Variants in TAFA2 observed in about 807,000 individuals in gnomAD.
The protein encoded by TAFA2 is chemokine-like protein TAFA-2.
TAFA2 carries 7 observed loss-of-function variants against 18.8 expected under a neutral mutation model. That is an observed-to-expected ratio of 0.37 (90% CI 0.21 to 0.70). TAFA2 has a LOEUF of 0.70. TAFA2 is among the 30% of genes least tolerant of loss of function. The pLI is 0.53. For missense variants in TAFA2, 122 were observed against 158.1 expected (o/e 0.77, Z 1.23); for synonymous variants, 60 against 54.2 (o/e 1.11, Z -0.47).
At chr12:62,138,427 C>T (rs886783061) in intron 1 of TAFA2, among the ~76,000 whole-genome samples, 2 of 152,144 alleles carry the variant, frequency 1.3e-5, no homozygotes, top group Non-Finnish European at 2.9e-5. Flanking sequence ...CTCCTTCTTG[C>T]CTCCTGTAGA....
intron 2 of TAFA2, among the ~76,000 whole-genome samples, chr12:61,777,691 C>G (rs1209460237): frequency 6.6e-6 from 1 of 151,526 alleles, no homozygotes; most frequent in Non-Finnish European, 1.5e-5. Context: ...GTTACTTAAC[C>G]TCTCGGTGCC....
intron 2 of TAFA2, among the ~76,000 whole-genome samples, chr12:61,843,543 A>G (rs1873278052): frequency 6.6e-6 from 1 of 152,074 alleles, no homozygotes; most frequent in Non-Finnish European, 1.5e-5. Flanking sequence ...TGATTAATTG[A>G]AAGAGTTGGG....
At chr12:61,892,048 A>T (rs1402344320) in intron 1 of TAFA2, among the ~76,000 whole-genome samples, 4 of 151,444 alleles carry the variant, frequency 2.6e-5, no homozygotes, top group Non-Finnish European at 4.4e-5. Context: ...CTCGGGCCAC[A>T]GTCCAAGCAA....
intron 2 of TAFA2, among the ~76,000 whole-genome samples, chr12:61,836,454 C>A (rs1431806201): frequency 1.3e-5 from 2 of 151,744 alleles, no homozygotes; most frequent in Non-Finnish European, 2.9e-5. Flanking sequence ...CCATCTCAGA[C>A]AAAAGGCCTT....
intron 1 of TAFA2, among the ~76,000 whole-genome samples, chr12:62,142,565 T>C (rs1050436628): frequency 2.6e-5 from 4 of 152,102 alleles, no homozygotes; most frequent in African/African-American, 9.7e-5. Context: ...CTACCCAATA[T>C]TGGCCAATAT....
chr12:62,220,497 T>C (rs1411092069), intron 1 of TAFA2, among the ~76,000 whole-genome samples: 1 of 152,184 alleles, frequency 6.6e-6, no homozygotes, highest in Non-Finnish European at 1.5e-5. Flanking sequence ...TGCAGTTTCT[T>C]ACAAAATTAA....
intron 1 of TAFA2, among the ~76,000 whole-genome samples, chr12:62,188,409 A>G (rs1469723070): frequency 5.9e-5 from 9 of 152,188 alleles, no homozygotes; most frequent in African/African-American, 2.2e-4. Context: ...TCATCTTTTC[A>G]AATATATTAG....
chr12:62,098,382 G>A (rs981295686), intron 1 of TAFA2, among the ~76,000 whole-genome samples: 4 of 152,140 alleles, frequency 2.6e-5, no homozygotes, highest in African/African-American at 9.7e-5. Flanking sequence ...AAACGGATAT[G>A]AAGAGAAAAA....
intron 1 of TAFA2, among the ~76,000 whole-genome samples, chr12:62,011,090 C>T (rs1215989102): frequency 1.3e-4 from 19 of 149,270 alleles, no homozygotes; most frequent in African/African-American, 4.2e-4. Flanking sequence ...GTGGGGAGCG[C>T]CTCTGCCCGG....
intron 2 of TAFA2, among the ~76,000 whole-genome samples, chr12:61,798,185 T>C (rs1365715391): frequency 6.6e-6 from 1 of 152,216 alleles, no homozygotes; most frequent in Non-Finnish European, 1.5e-5. Flanking sequence ...GATCATGATC[T>C]ATTAATTTGC....
chr12:62,066,122 C>G (rs1882479416), intron 1 of TAFA2, among the ~76,000 whole-genome samples: 1 of 110,394 alleles, frequency 9.1e-6, no homozygotes, highest in African/African-American at 3.8e-5. Flanking sequence ...TTTGCTGAAA[C>G]AGCCGTGTGT....
intron 1 of TAFA2, among the ~76,000 whole-genome samples, chr12:62,239,674 A>T (rs183557632): frequency 6.9e-4 from 105 of 152,316 alleles, no homozygotes; most frequent in Non-Finnish European, 1.8e-4. Context: ...TGTAGAGGCC[A>T]TGTGTAAGTG....
At chr12:62,081,196 C>T (rs1868318113) in intron 1 of TAFA2, among the ~76,000 whole-genome samples, 1 of 151,234 alleles carries the variant, frequency 6.6e-6, no homozygotes, top group Non-Finnish European at 1.5e-5. Flanking sequence ...CTCCATCTCA[C>T]AAAAAAAATT....
intron 1 of TAFA2, among the ~76,000 whole-genome samples, chr12:62,131,850 T>C (rs1016861101): frequency 2.0e-5 from 3 of 152,020 alleles, no homozygotes; most frequent in Non-Finnish European, 4.4e-5. Context: ...ATTTTTTATT[T>C]GCTGTATTCC....
Position 61,710,300 on chromosome 12 carries a change from C to T in TAFA2, c.*106G>A, listed in dbSNP as rs1869334498. On this transcript the variant is annotated 3_prime_UTR_variant, in exon 5 of 5. Transcript: ENST00000416284. ...CTTGGAAATAGACTATTGAGCGCCT[C>T]TTTCAAGTGGTATAAAAATCTTCAA... The T allele has an allele frequency of 1.9e-6, 2 of 1,051,790 alleles. No individual in the cohort carries two copies. Among genetic ancestry groups the T allele is most frequent in the Admixed American group, 3.6e-5 (2 of 55,978 alleles). 65.2% of individuals were successfully genotyped at this position (1,051,790 alleles called of 1,614,324 possible). A position where few individuals can be genotyped will look rare whatever the true frequency, so the allele number is the denominator to read the frequency against.
At chr12:62,221,082 C>T (rs549517277) in intron 1 of TAFA2, among the ~76,000 whole-genome samples, 30 of 148,818 alleles carry the variant, frequency 2.0e-4, no homozygotes, top group African/African-American at 6.2e-4. Context: ...CCAGCCTGAG[C>T]GACAGAGCGA....
intron 1 of TAFA2, among the ~76,000 whole-genome samples, chr12:62,050,586 T>C (rs1309317442): frequency 6.6e-6 from 1 of 151,162 alleles, no homozygotes; most frequent in East Asian, 2.0e-4. Context: ...AAAAAAAAAA[T>C]TGTTACAAAC....
intron 1 of TAFA2, among the ~76,000 whole-genome samples, chr12:62,181,818 G>A (rs1242348326): frequency 1.3e-5 from 2 of 152,138 alleles, no homozygotes; most frequent in Non-Finnish European, 2.9e-5. Flanking sequence ...ATGAAGATAA[G>A]AAGTTCAAAC....
intron 1 of TAFA2, among the ~76,000 whole-genome samples, chr12:61,988,455 A>G (rs1404311473): frequency 6.6e-6 from 1 of 152,200 alleles, no homozygotes; most frequent in Non-Finnish European, 1.5e-5. Flanking sequence ...ATAGAAAGAC[A>G]AACTCTGCTG....
Sources: allele counts gnomAD v4.1 joint callset (sites outside exome capture counted in the v4.1 genomes callset), GRCh38; gene constraint gnomAD v4.1.1; transcripts MANE v1.5; gene names NCBI Gene and HGNC (gene_info 2026-07-23, HGNC 2026-07-21).